Variants in PIK3AP1 observed in about 807,000 individuals in gnomAD.
PIK3AP1 encodes phosphoinositide-3-kinase adaptor protein 1, also known as phosphoinositide 3-kinase adapter protein 1.
PIK3AP1 carries 21 observed loss-of-function variants against 88.1 expected under a neutral mutation model. The ratio of observed to expected loss-of-function variants is 0.24; its 90% CI spans 0.17 to 0.34. The LOEUF is 0.34. Ranked by LOEUF, PIK3AP1 falls within the 10% of genes least tolerant of loss-of-function variation. The probability of loss-of-function intolerance (pLI) is 1.00; values close to 1 mark genes in which losing one functional copy is unlikely to be tolerated. For synonymous variants in PIK3AP1, 398 were observed against 400.0 expected, an observed-to-expected ratio of 1.00 and a Z score of 0.06; for missense variants, 828 against 1,035.7, an observed-to-expected ratio of 0.80 and a Z score of 2.75.
chr10:96,708,985 T>C (rs986411790), intron 2 of PIK3AP1, among the ~76,000 whole-genome samples: 1 of 151,568 alleles, frequency 6.6e-6, no homozygotes, highest in African/African-American at 2.4e-5. Context: ...AGAAAAAAAT[T>C]AGCCAAGCAT....
At chr10:96,628,331 C>A (rs1033552022) in intron 9 of PIK3AP1, 67 bp downstream of exon 9, 11 of 1,337,970 alleles carry the variant, frequency 8.2e-6, no homozygotes, top group African/African-American at 1.4e-5. Context: ...TCATAGAGAA[C>A]CAGACAATGT....
intron 1 of PIK3AP1, among the ~76,000 whole-genome samples, chr10:96,718,062 C>T (rs1309257866): frequency 6.6e-6 from 1 of 152,108 alleles, no homozygotes; most frequent in East Asian, 1.9e-4. Context: ...CACCAAAGAC[C>T]ACATACTATG....
chr10:96,644,947 T>C (rs969201261), intron 8 of PIK3AP1, among the ~76,000 whole-genome samples: 31 of 152,252 alleles, frequency 2.0e-4, no homozygotes, highest in African/African-American at 6.0e-4. Context: ...AACGTGTCAG[T>C]CAATGTTTGA....
chr10:96,648,960 A>C, intron 6 of PIK3AP1, 105 bp from the exon 7 acceptor site: 1 of 882,510 alleles, frequency 1.1e-6, no homozygotes, highest in Non-Finnish European at 1.7e-6. Flanking sequence ...AACAGAAAGC[A>C]CTCAGCCATT....
At position 96,609,585 on chromosome 10, in the gene PIK3AP1, C is replaced by G. The variant is rs1340373341; in HGVS notation, c.2170+127G>C. 4.5e-6 allele frequency: 5 copies of G among 1,105,948 alleles called. No homozygotes were observed. The Admixed American group carries it at 1.3e-4, about 29-fold the overall frequency. The allele number at this position is 1,105,948 out of a possible 1,614,324, so 68.5% of individuals were successfully genotyped here. A position where few individuals can be genotyped will look rare whatever the true frequency, so the allele number is the denominator to read the frequency against. ...CAGTAACTCGGCCCCACCTTTTATA[C>G]CTCTCAAACCCAAACCAGGCCCCAC... On this transcript the variant is annotated intron_variant, in intron 14 of 16. Coordinates refer to ENST00000339364, the MANE Select transcript of PIK3AP1 (RefSeq NM_152309.3).
At chr10:96,623,203 AATTT>A (rs1414148174) in intron 11 of PIK3AP1, among the ~76,000 whole-genome samples, 1 of 152,018 alleles carries the variant, frequency 6.6e-6, no homozygotes, top group African/African-American at 2.4e-5. Context: ...TTAATTAAAT[AATTT>A]ATTTAATTTT....
intron 1 of PIK3AP1, among the ~76,000 whole-genome samples, chr10:96,714,950 A>T (rs1416829899): frequency 6.6e-6 from 1 of 152,196 alleles, no homozygotes; most frequent in South Asian, 2.1e-4. Flanking sequence ...TCAAGGAGGT[A>T]GAGTGTAACT....
intron 2 of PIK3AP1, among the ~76,000 whole-genome samples, chr10:96,672,059 T>TA (rs1843854795): frequency 6.6e-6 from 1 of 151,676 alleles, no homozygotes; most frequent in Non-Finnish European, 1.5e-5. Context: ...GAAAAAAAAA[T>TA]ACAGTCATGG....
intron 12 of PIK3AP1, among the ~76,000 whole-genome samples, chr10:96,617,383 G>T (rs1843008828): frequency 6.6e-6 from 1 of 152,244 alleles, no homozygotes; most frequent in Non-Finnish European, 1.5e-5. Context: ...TAGGGAAAAT[G>T]TCCAGACAAT....
intron 2 of PIK3AP1, among the ~76,000 whole-genome samples, chr10:96,696,779 A>C (rs534704957): frequency 6.6e-6 from 1 of 152,256 alleles, no homozygotes; most frequent in South Asian, 2.1e-4. Flanking sequence ...AATGTCCATA[A>C]ACAGAAAGTT....
At chr10:96,654,841 T>C (rs1843593088) in intron 3 of PIK3AP1, among the ~76,000 whole-genome samples, 2 of 152,078 alleles carry the variant, frequency 1.3e-5, no homozygotes, top group Admixed American at 6.5e-5. Context: ...CATGGGAAGA[T>C]TTAAAATGGA....
chr10:96,705,962 C>T (rs1436337951), intron 2 of PIK3AP1, among the ~76,000 whole-genome samples: 2 of 131,924 alleles, frequency 1.5e-5, no homozygotes, highest in African/African-American at 6.0e-5. Context: ...GGTGCCATCT[C>T]GGCTCACTGC....
intron 8 of PIK3AP1, among the ~76,000 whole-genome samples, chr10:96,629,092 C>G (rs913430983): frequency 2.0e-5 from 3 of 151,304 alleles, no homozygotes; most frequent in Non-Finnish European, 2.9e-5. Context: ...GTGGTCTATT[C>G]AAACAATGGA....
rs1039210912 is a variant in PIK3AP1, at chr10:96,700,299, T to C, written c.430+9268A>G. On this transcript the variant is annotated intron_variant, in intron 2 of 16. Coordinates refer to ENST00000339364, the MANE Select transcript of PIK3AP1 (RefSeq NM_152309.3). ...ATCTCTCGGCTTTGCAGGAAAACTGTAATCCTGGGCGACTCTGAAGGCTCA... is the reference window on the plus strand; with the variant it reads ...ATCTCTCGGCTTTGCAGGAAAACTGCAATCCTGGGCGACTCTGAAGGCTCA... Among the ~76,000 whole-genome samples, 4 of 152,074 alleles carry C rather than the reference T, an allele frequency of 2.6e-5. No homozygotes were observed. In the South Asian group the frequency reaches 8.3e-4, roughly 32 times the overall value.
intron 2 of PIK3AP1, among the ~76,000 whole-genome samples, chr10:96,694,184 G>T (rs1245283951): frequency 6.6e-6 from 1 of 152,144 alleles, no homozygotes; most frequent in African/African-American, 2.4e-5. Context: ...CTGGCATTAA[G>T]TAATAGGGTA....
intron 8 of PIK3AP1, among the ~76,000 whole-genome samples, chr10:96,642,870 C>T (rs1454491279): frequency 6.6e-6 from 1 of 152,224 alleles, no homozygotes; most frequent in East Asian, 1.9e-4. Context: ...GTGTAAGGCT[C>T]TGTCAACACT....
At chr10:96,639,656 G>A (rs1308103630) in intron 8 of PIK3AP1, among the ~76,000 whole-genome samples, 2 of 152,186 alleles carry the variant, frequency 1.3e-5, no homozygotes, top group African/African-American at 4.8e-5. Context: ...CTCCCCAGTG[G>A]GTTCTGTCCT....
rs777134824 is a variant in PIK3AP1, at chr10:96,651,255, C to T, written c.981G>A (p.Met327Ile). ...FGINQLEEED[M>I]MTNQRDEELP... Reference sequence around the variant, plus strand: ...GTTTGACTGTCAACTTACTTGTCATCATATCTTCTTCTTCCAGCTGGTTGA... The same window carrying T: ...GTTTGACTGTCAACTTACTTGTCATTATATCTTCTTCTTCCAGCTGGTTGA... Residue 327 changes from methionine (M) to isoleucine (I), a missense_variant, in exon 6 of 17, where the codon ATG becomes ATA. Physicochemically the swap from Met to Ile is conservative, Grantham distance 10 (BLOSUM62 1). Coordinates refer to ENST00000339364, the MANE Select transcript of PIK3AP1 (RefSeq NM_152309.3). The T allele has an allele frequency of 6.2e-7, 1 of 1,614,224 alleles. No individual in the cohort carries two copies. The highest frequency in any genetic ancestry group is 8.5e-7 in the Non-Finnish European group (1 of 1,180,030).
intron 8 of PIK3AP1, among the ~76,000 whole-genome samples, chr10:96,637,553 T>A (rs992155453): frequency 8.5e-5 from 13 of 152,056 alleles, no homozygotes; most frequent in African/African-American, 2.9e-4. Context: ...TTTCGCCATG[T>A]TGCCCAGGCT....
Sources: gnomAD v4.1 joint callset for allele counts (sites outside exome capture counted in the v4.1 genomes callset) on GRCh38, gnomAD v4.1.1 for gene constraint, MANE v1.5 for transcripts, NCBI Gene and HGNC (gene_info 2026-07-23, HGNC 2026-07-21) for gene names.